The following GDA variants were observed in gnomAD, a reference collection of about 807,000 sequenced individuals.
GDA encodes cytoplasmic PSD-95 interactor.
GDA carries 18 observed loss-of-function variants against 59.6 expected under a neutral mutation model. The observed-to-expected ratio is 0.30, with a 90% CI of 0.21 to 0.45. The LOEUF (loss-of-function observed/expected upper bound fraction) is 0.45. Ranked by LOEUF, GDA falls within the 20% of genes least tolerant of loss-of-function variation. GDA has a pLI of 1.00. For missense variants in GDA, 427 were observed against 552.3 expected (o/e 0.77, Z 2.27); for synonymous variants, 201 against 201.1 (o/e 1.00, Z 0.00).
upstream of GDA, among the ~76,000 whole-genome samples, chr9:72,148,499 C>T (rs7036479): frequency 0.19 from 28,255 of 151,938 alleles, 2,977 homozygotes; most frequent in African/African-American, 0.3. Flanking sequence ...AAGGTGACTC[C>T]GAAGAGCCTG....
intron 1 of GDA, among the ~76,000 whole-genome samples, chr9:72,188,261 T>C (rs1411689734): frequency 1.3e-5 from 2 of 152,208 alleles, no homozygotes; most frequent in Admixed American, 6.5e-5. Flanking sequence ...TGAAAGCATT[T>C]CAGAGATCTT....
chr9:72,185,583 G>T (rs907196556), intron 1 of GDA, among the ~76,000 whole-genome samples: 10 of 152,118 alleles, frequency 6.6e-5, no homozygotes, highest in Admixed American at 2.0e-4. Flanking sequence ...GAAATTTTGA[G>T]ACCTCATATT....
intron 1 of GDA, among the ~76,000 whole-genome samples, chr9:72,181,837 T>C (rs1405960153): frequency 1.3e-5 from 2 of 152,162 alleles, no homozygotes; most frequent in East Asian, 3.8e-4. Flanking sequence ...CGTTTCCAAA[T>C]AATATACTGT....
At chr9:72,131,594 T>G (rs1203821800) in intron 1 of GDA, among the ~76,000 whole-genome samples, 1 of 152,036 alleles carries the variant, frequency 6.6e-6, no homozygotes, top group Non-Finnish European at 1.5e-5. Context: ...CCTCTGAGCC[T>G]GCACAAATGG....
At position 72,192,223 on chromosome 9, in the gene GDA, C is replaced by CTTTTT. The variant is rs869237933; in HGVS notation, c.124-3253_124-3249dup. ...CTCTGACTGTGTATTTTCAAATAGC[C>CTTTTT]TTTTTTTTTTTTTTTTTTTTTTTTT... On this transcript the variant is annotated intron_variant, in intron 1 of 13. Transcript: ENST00000358399. 2.7e-3 allele frequency among the ~76,000 whole-genome samples: 123 copies of CTTTTT among 46,278 alleles called. 37 individuals carry two copies. Among genetic ancestry groups the CTTTTT allele is most frequent in the African/African-American group, 0.01 (115 of 11,456 alleles). The allele number at this position is 46,278 out of a possible 152,430, so 30.4% of individuals were successfully genotyped here.
intron 1 of GDA, among the ~76,000 whole-genome samples, chr9:72,125,755 C>T (rs1039917590): frequency 6.6e-6 from 1 of 152,082 alleles, no homozygotes; most frequent in Non-Finnish European, 1.5e-5. Flanking sequence ...GAGTCTTTTC[C>T]CCATGTTTTC....
chr9:72,230,594 C>G (rs1017583134), intron 9 of GDA, among the ~76,000 whole-genome samples: 4 of 151,926 alleles, frequency 2.6e-5, no homozygotes, highest in African/African-American at 7.3e-5. Flanking sequence ...CCTACTTTCT[C>G]TGTCTTCAGA....
chr9:72,157,613 A>T (rs1191148309), intron 1 of GDA, among the ~76,000 whole-genome samples: 1 of 152,182 alleles, frequency 6.6e-6, no homozygotes, highest in African/African-American at 2.4e-5. Context: ...TCTCTGAGCT[A>T]AAATATAACA....
chr9:72,118,008 C>T (rs1165209618), intron 1 of GDA, among the ~76,000 whole-genome samples: 1 of 152,040 alleles, frequency 6.6e-6, no homozygotes, highest in Non-Finnish European at 1.5e-5. Flanking sequence ...CGCGGTGGCT[C>T]ACGCCTGTAA....
At position 72,250,291 on chromosome 9, in the gene GDA, T is replaced by G; in HGVS notation, c.*1949T>G. On this transcript the variant is annotated 3_prime_UTR_variant, in exon 14 of 14. Coordinates refer to ENST00000358399, the MANE Select transcript of GDA (RefSeq NM_004293.5). ...TCTAGCATTTGCAAGATCCTACACTTTTACCTTCTTTAAGGGTGTACATTT... is the reference window on the plus strand; with the variant it reads ...TCTAGCATTTGCAAGATCCTACACTGTTACCTTCTTTAAGGGTGTACATTT... 9.9e-7 allele frequency: 1 copy of G among 1,005,960 alleles called. No individual in the cohort carries two copies. The highest frequency in any genetic ancestry group is 1.2e-6 in the Non-Finnish European group (1 of 843,460). The allele number at this position is 1,005,960 out of a possible 1,614,324, so 62.3% of individuals were successfully genotyped here.
intron 5 of GDA, among the ~76,000 whole-genome samples, chr9:72,218,679 TCCAAGGTTCATCC>T (rs1410013219): frequency 6.6e-6 from 1 of 152,204 alleles, no homozygotes; most frequent in African/African-American, 2.4e-5. Context: ...TCTGCTTTAC[TCCAAGGTTCATCC>T]CCAAGAGAAC....
At chr9:72,221,705 C>T (rs1836897718) in intron 6 of GDA, among the ~76,000 whole-genome samples, 1 of 152,198 alleles carries the variant, frequency 6.6e-6, no homozygotes. Context: ...GCTCTCCCTC[C>T]TTCCATCCTC....
chr9:72,241,134 T>A lies in GDA; in HGVS notation c.989-18T>A, dbSNP rs1208540455. ...TCCTCACAAGGTTACTGTTTTGGTT[T>A]TATTTTACCTACTGCAGACGTGGCT... On this transcript the variant is annotated intron_variant, in intron 10 of 13. Coordinates refer to ENST00000358399, the MANE Select transcript of GDA (RefSeq NM_004293.5). The A allele has an allele frequency of 1.9e-6, 3 of 1,572,452 alleles. No homozygotes were observed. Among genetic ancestry groups the A allele is most frequent in the Non-Finnish European group, 2.6e-6 (3 of 1,149,230 alleles).
intron 11 of GDA, among the ~76,000 whole-genome samples, chr9:72,244,540 A>C (rs185060853): frequency 1.2e-4 from 18 of 152,330 alleles, no homozygotes; most frequent in Admixed American, 6.5e-4. Flanking sequence ...AAAAGCATTG[A>C]GACTTTTGAG....
At chr9:72,254,511 C>G (rs1242828041), downstream of GDA, among the ~76,000 whole-genome samples, 3 of 152,140 alleles carry the variant, frequency 2.0e-5, no homozygotes, top group Admixed American at 6.5e-5. Flanking sequence ...GGGCCCTCCT[C>G]TATTGCCTGG....
At chr9:72,231,040 G>T (rs971728104) in intron 9 of GDA, 74 bp from the exon 10 acceptor site, 2 of 860,928 alleles carry the variant, frequency 2.3e-6, no homozygotes, top group South Asian at 2.6e-5. Context: ...TGGCATCACC[G>T]TCATTGTTAT....
chr9:72,180,317 A>C (rs779486037), intron 1 of GDA, among the ~76,000 whole-genome samples: 4 of 152,204 alleles, frequency 2.6e-5, no homozygotes, highest in African/African-American at 9.6e-5. Context: ...AGACTACGCC[A>C]CTGCACTCCA....
intron 1 of GDA, among the ~76,000 whole-genome samples, chr9:72,182,272 C>T (rs1308822413): frequency 6.6e-6 from 1 of 152,216 alleles, no homozygotes; most frequent in African/African-American, 2.4e-5. Flanking sequence ...GAATCCACTC[C>T]AGAACCACAG....
chr9:72,198,813 A>T (rs1833539155), intron 2 of GDA, among the ~76,000 whole-genome samples: 1 of 149,556 alleles, frequency 6.7e-6, no homozygotes, highest in Non-Finnish European at 1.5e-5. Flanking sequence ...TGGTGAAAAG[A>T]TAGGTGGATG....
Sources: gnomAD v4.1 joint callset for allele counts (sites outside exome capture counted in the v4.1 genomes callset) on GRCh38, gnomAD v4.1.1 for gene constraint, MANE v1.5 for transcripts, NCBI Gene and HGNC (gene_info 2026-07-23, HGNC 2026-07-21) for gene names.